NRG1: variants seen among roughly 807,000 people sequenced by gnomAD.
NRG1 encodes pro-neuregulin-1, membrane-bound isoform.
NRG1 carries 18 observed loss-of-function variants against 63.8 expected under a neutral mutation model. That is an observed-to-expected ratio of 0.28 (90% CI 0.19 to 0.42). The LOEUF (loss-of-function observed/expected upper bound fraction) is 0.42. Among genes scored for constraint, NRG1 ranks in the 10% least tolerant of loss-of-function variants. NRG1 has a pLI of 1.00. For missense variants in NRG1, 762 were observed against 814.7 expected (o/e 0.94, Z 0.79); for synonymous variants, 302 against 301.3 (o/e 1.00, Z -0.02).
chr8:32,127,087 A>G (rs895659374), intron 1 of NRG1, among the ~76,000 whole-genome samples: 9 of 151,902 alleles, frequency 5.9e-5, no homozygotes, highest in Non-Finnish European at 1.3e-4. Flanking sequence ...ATCTGTATGT[A>G]TGTAGTTTCC....
At chr8:32,487,537 T>C (rs1328814144) in intron 1 of NRG1, among the ~76,000 whole-genome samples, 1 of 152,198 alleles carries the variant, frequency 6.6e-6, no homozygotes, top group African/African-American at 2.4e-5. Flanking sequence ...GCAAGTATCT[T>C]TGTACTCTGC....
chr8:31,681,479 G>A (rs1047745242), intron 1 of NRG1, among the ~76,000 whole-genome samples: 4 of 151,900 alleles, frequency 2.6e-5, no homozygotes, highest in Non-Finnish European at 5.9e-5. Context: ...GACATATCAT[G>A]TTCCAGCCAG....
intron 1 of NRG1, among the ~76,000 whole-genome samples, chr8:32,510,119 A>ATCATCATC (rs1554566660): frequency 2.6e-3 from 277 of 106,742 alleles, no homozygotes; most frequent in Middle Eastern, 0.021. Context: ...TAATAATAAT[A>ATCATCATC]ATAATAATCA....
intron 1 of NRG1, among the ~76,000 whole-genome samples, chr8:32,533,663 A>C (rs1215423792): frequency 6.6e-6 from 1 of 152,092 alleles, no homozygotes; most frequent in African/African-American, 2.4e-5. Context: ...TAATTAACTA[A>C]ACATAGAAAA....
intron 1 of NRG1, among the ~76,000 whole-genome samples, chr8:31,913,880 C>A (rs1833151692): frequency 6.6e-6 from 1 of 152,144 alleles, no homozygotes; most frequent in Admixed American, 6.6e-5. Flanking sequence ...ACTTCATCCA[C>A]TTAACTTGAT....
At chr8:32,575,320 CTTT>C (rs905385982) in intron 1 of NRG1, among the ~76,000 whole-genome samples, 2 of 151,938 alleles carry the variant, frequency 1.3e-5, no homozygotes, top group Non-Finnish European at 2.9e-5. Flanking sequence ...CCTACTTCTT[CTTT>C]CTCTTCTTTC....
At chr8:31,792,174 C>A (rs537699902) in intron 1 of NRG1, among the ~76,000 whole-genome samples, 1 of 152,272 alleles carries the variant, frequency 6.6e-6, no homozygotes, top group Non-Finnish European at 1.5e-5. Flanking sequence ...GCACATTACT[C>A]TTTAAGGAAC....
intron 1 of NRG1, among the ~76,000 whole-genome samples, chr8:32,297,328 T>C (rs971613825): frequency 3.3e-5 from 5 of 152,090 alleles, no homozygotes; most frequent in Non-Finnish European, 4.4e-5. Context: ...AAACCATAAA[T>C]AGAATTTTCC....
At chr8:32,459,805 A>G (rs1463709710) in intron 1 of NRG1, among the ~76,000 whole-genome samples, 1 of 152,186 alleles carries the variant, frequency 6.6e-6, no homozygotes, top group East Asian at 1.9e-4. Context: ...CCTCCGAACT[A>G]CAGGCCTTAG....
intron 1 of NRG1, among the ~76,000 whole-genome samples, chr8:31,791,440 G>A (rs1014832554): frequency 7.9e-5 from 12 of 152,196 alleles, no homozygotes; most frequent in African/African-American, 2.9e-4. Context: ...GAAAATGTTT[G>A]CCACCTCCTA....
chr8:32,539,306 G>A (rs2129520462), intron 1 of NRG1, among the ~76,000 whole-genome samples: 1 of 152,296 alleles, frequency 6.6e-6, no homozygotes, highest in Middle Eastern at 3.4e-3. Flanking sequence ...GAGCTGGGAT[G>A]GCTGGGGGTG....
At chr8:32,760,725 T>C in intron 11 of NRG1, 1 of 1,124,964 alleles carries the variant, frequency 8.9e-7, no homozygotes, top group Non-Finnish European at 1.1e-6. Flanking sequence ...GTGTCCTCAG[T>C]TGTAACATTA....
intron 1 of NRG1, among the ~76,000 whole-genome samples, chr8:32,013,254 A>T (rs987340279): frequency 6.6e-6 from 1 of 152,066 alleles, no homozygotes; most frequent in African/African-American, 2.4e-5. Context: ...TGCAGACTGT[A>T]TCCAAGACTG....
chr8:31,868,460 T>TCAC (rs1829189282), intron 1 of NRG1, among the ~76,000 whole-genome samples: 2 of 152,200 alleles, frequency 1.3e-5, no homozygotes, highest in Non-Finnish European at 2.9e-5. Context: ...GCGTAGTAAT[T>TCAC]CACTGATCAT....
chr8:32,139,567 A>C (rs1018290693), intron 1 of NRG1: 1 of 152,238 alleles, frequency 6.6e-6, no homozygotes, highest in African/African-American at 2.4e-5. Context: ...GCATGCATTT[A>C]AAATGTAGAG....
chr8:31,923,150 A>G (rs902430661), intron 1 of NRG1, among the ~76,000 whole-genome samples: 3 of 152,134 alleles, frequency 2.0e-5, no homozygotes, highest in African/African-American at 7.2e-5. Context: ...AGAAACCTTC[A>G]CTATGTTAAA....
At chr8:32,309,401 A>G (rs755614855) in intron 1 of NRG1, among the ~76,000 whole-genome samples, 6 of 152,258 alleles carry the variant, frequency 3.9e-5, no homozygotes, top group Middle Eastern at 6.8e-3. Context: ...TTCTTCTCAA[A>G]TGTATTATCA....
intron 1 of NRG1, among the ~76,000 whole-genome samples, chr8:32,083,117 C>T (rs1186872808): frequency 2.0e-5 from 3 of 152,128 alleles, no homozygotes; most frequent in African/African-American, 4.8e-5. Flanking sequence ...CTAAACCCAA[C>T]GTACTCACAA....
chr8:32,102,200 C>A (rs1403636790), intron 1 of NRG1, among the ~76,000 whole-genome samples: 1 of 152,148 alleles, frequency 6.6e-6, no homozygotes, highest in Non-Finnish European at 1.5e-5. Flanking sequence ...TGCAGCGGAA[C>A]AATTTCGACT....
Sources: allele counts gnomAD v4.1 joint callset (sites outside exome capture counted in the v4.1 genomes callset), GRCh38; gene constraint gnomAD v4.1.1; transcripts MANE v1.5; gene names NCBI Gene and HGNC (gene_info 2026-07-23, HGNC 2026-07-21).